The following ANKRD52 variants were observed in gnomAD, a reference collection of about 807,000 sequenced individuals.
The protein encoded by ANKRD52 is serine/threonine-protein phosphatase 6 regulatory ankyrin repeat subunit C.
A neutral mutation model predicts 116.0 loss-of-function variants in ANKRD52; 7 were observed. The ratio of observed to expected loss-of-function variants is 0.06; its 90% CI spans 0.03 to 0.11. The LOEUF (loss-of-function observed/expected upper bound fraction) is 0.11, where lower values mean the gene tolerates loss of function less well. Ranked by LOEUF, ANKRD52 falls within the 10% of genes least tolerant of loss-of-function variation. ANKRD52 has a pLI of 1.00. For synonymous variants in ANKRD52, 528 were observed against 578.1 expected (o/e 0.91, Z 1.24); for missense variants, 839 against 1,408.6 (o/e 0.60, Z 6.47).
chr12:56,248,581 A>G lies in ANKRD52; in HGVS notation c.1705-15T>C. On this transcript the variant is annotated splice_polypyrimidine_tract_variant and intron_variant, in intron 16 of 27. Coordinates refer to ENST00000267116, the MANE Select transcript of ANKRD52 (RefSeq NM_173595.4). This position sits in a 1 kb window ranked among gnomAD's most constrained non-coding sequence, Gnocchi z 5.1. ...ATTTCTAAGAGCTGCAAAGGACAGG[A>G]AAGTAGGTGCTGAGACTCTGGAACT... 6.3e-7 allele frequency: 1 copy of G among 1,579,978 alleles called. No individual in the cohort carries two copies. The highest frequency in any genetic ancestry group is 8.6e-7 in the Non-Finnish European group (1 of 1,162,822).
rs1183328873 is a variant in ANKRD52, at chr12:56,243,082, T to A, written c.*60A>T. 6.7e-7 allele frequency: 1 copy of A among 1,491,632 alleles called. No individual in the cohort carries two copies. The highest frequency in any genetic ancestry group is 1.4e-5 in the African/African-American group (1 of 70,878). 92.4% of individuals were successfully genotyped at this position (1,491,632 alleles called of 1,614,324 possible). ...TTAAAGTGCCCTAAATGTTTAGACT[T>A]TTTCTAAATAAATAGAATTAGATAT... On this transcript the variant is annotated 3_prime_UTR_variant, in exon 28 of 28. Coordinates refer to ENST00000267116, the MANE Select transcript of ANKRD52 (RefSeq NM_173595.4). This position sits in a 1 kb window ranked among gnomAD's most constrained non-coding sequence, Gnocchi z 4.6.
Position 56,254,704 on chromosome 12 carries a change from T to G in ANKRD52, c.567A>C (p.Leu189=), listed in dbSNP as rs1330422770. The G allele has an allele frequency of 6.2e-7, 1 of 1,611,674 alleles. No individual in the cohort carries two copies. The highest frequency in any genetic ancestry group is 8.5e-7 in the Non-Finnish European group (1 of 1,178,216). Residue 189 remains leucine (L), a synonymous_variant, in exon 7 of 28, where the codon CTA becomes CTC. Transcript: ENST00000267116. The surrounding 1 kb of genome is among the most constrained non-coding windows in gnomAD (Gnocchi z 4.6). ...WAAFLGHLEV[L]KLLVARGADL... ...CTGCTCCCCGTGCCACCAGCAGTTT[T>G]AGGACCTCCAAGTGCCCTGAGAAAA...
Position 56,254,467 on chromosome 12 carries a change from T to C in ANKRD52, c.693+111A>G. ...TATTCAGACCCTCTCTACCACGTCCTTCCAACTTCCCAAAACTATACCAAC... is the reference window on the plus strand; with the variant it reads ...TATTCAGACCCTCTCTACCACGTCCCTCCAACTTCCCAAAACTATACCAAC... On this transcript the variant is annotated intron_variant, in intron 7 of 27. Coordinates refer to ENST00000267116, the MANE Select transcript of ANKRD52 (RefSeq NM_173595.4). This position sits in a 1 kb window ranked among gnomAD's most constrained non-coding sequence, Gnocchi z 4.6. 8 of 1,515,900 alleles carry C rather than the reference T, an allele frequency of 5.3e-6. No individual in the cohort carries two copies. The highest frequency in any genetic ancestry group is 7.1e-6 in the Non-Finnish European group (8 of 1,129,216). The allele number at this position is 1,515,900 out of a possible 1,614,324, so 93.9% of individuals were successfully genotyped here. A position where few individuals can be genotyped will look rare whatever the true frequency, so the allele number is the denominator to read the frequency against.
chr12:56,258,302 CCGG>C lies in ANKRD52; in HGVS notation c.-36_-34del, dbSNP rs751124828. 645 of 1,525,784 alleles carry C rather than the reference CCGG, an allele frequency of 4.2e-4. No homozygotes were observed. The highest frequency in any genetic ancestry group is 1.4e-3 in the Admixed American group (68 of 49,970). The allele number at this position is 1,525,784 out of a possible 1,614,324, so 94.5% of individuals were successfully genotyped here. ...CCCGGGCTCCGTCCGCATCGAGCTCCCGGCGGCGGCGGCGGCGGCTCCACCGGG... is the reference window on the plus strand; with the variant it reads ...CCCGGGCTCCGTCCGCATCGAGCTCCCGGCGGCGGCGGCGGCTCCACCGGG... On this transcript the variant is annotated 5_prime_UTR_variant, in exon 1 of 28. Transcript: ENST00000267116.
chr12:56,253,148 G>C lies in ANKRD52; in HGVS notation c.1101-62C>G. On this transcript the variant is annotated intron_variant, in intron 10 of 27. Transcript: ENST00000267116. The surrounding 1 kb of genome is among the most constrained non-coding windows in gnomAD (Gnocchi z 5.5). ...GGAGGGACCAAGTAAGACCTCTTCT[G>C]TGACCTACCACCACCCTAGAGTCAG... The C allele has an allele frequency of 2.0e-6, 3 of 1,469,054 alleles. No individual in the cohort carries two copies. The highest frequency in any genetic ancestry group is 2.8e-6 in the Non-Finnish European group (3 of 1,085,010). 91.0% of individuals were successfully genotyped at this position (1,469,054 alleles called of 1,614,324 possible).
At position 56,239,664 on chromosome 12, in the gene ANKRD52, A is replaced by G. The variant is rs1004487475; in HGVS notation, c.*3478T>C. 6.6e-6 allele frequency: 1 copy of G among 152,392 alleles called. No homozygotes were observed. The highest frequency in any genetic ancestry group is 1.5e-5 in the Non-Finnish European group (1 of 68,194). The allele number at this position is 152,392 out of a possible 1,614,324, so 9.4% of individuals were successfully genotyped here. A position where few individuals can be genotyped will look rare whatever the true frequency, so the allele number is the denominator to read the frequency against. On this transcript the variant is annotated 3_prime_UTR_variant, in exon 28 of 28. Transcript: ENST00000267116. ...ACTCAGCCCTGCCAGCCCGGCCCCA[A>G]TCCCACCTCTCAGGACTCCTTCCAA...
Position 56,244,546 on chromosome 12 carries a change from T to A in ANKRD52, c.2722+106A>T. ...ATGGCGAGACATCCAAAGACAACCC[T>A]CTTGCTTTCTGAACCCCAGCCCCAG... is the stretch of plus-strand genomic sequence containing the variant. On this transcript the variant is annotated intron_variant, in intron 24 of 27. Coordinates refer to ENST00000267116, the MANE Select transcript of ANKRD52 (RefSeq NM_173595.4). The surrounding 1 kb of genome is among the most constrained non-coding windows in gnomAD (Gnocchi z 4.9). The A allele has an allele frequency of 6.3e-7, 1 of 1,598,108 alleles. No individual in the cohort carries two copies. The highest frequency in any genetic ancestry group is 8.5e-7 in the Non-Finnish European group (1 of 1,171,048).
At chr12:56,251,669 A>T (rs1871697361) in intron 15 of ANKRD52, among the ~76,000 whole-genome samples, 1 of 148,434 alleles carries the variant, frequency 6.7e-6, no homozygotes, top group Non-Finnish European at 1.5e-5. Context: ...CAAGAAGACC[A>T]GCCGGGCGCG....
At position 56,252,689 on chromosome 12, in the gene ANKRD52, A is replaced by G; in HGVS notation, c.1301+91T>C. On this transcript the variant is annotated intron_variant, in intron 12 of 27. Coordinates refer to ENST00000267116, the MANE Select transcript of ANKRD52 (RefSeq NM_173595.4). The surrounding 1 kb of genome is among the most constrained non-coding windows in gnomAD (Gnocchi z 4.7). ...CTGCTGTGACTGCTTTCATTGTGAG[A>G]GGGGGAATAGATCTGGGCAGGCAAG... 1 of 1,535,848 alleles carries G rather than the reference A, an allele frequency of 6.5e-7. No homozygotes were observed. Among genetic ancestry groups the G allele is most frequent in the Non-Finnish European group, 9.0e-7 (1 of 1,112,470 alleles).
In ANKRD52 at chr12:56,244,609, G is replaced by A. The variant is rs1432635604; in HGVS notation, c.2722+43C>T. On this transcript the variant is annotated intron_variant, in intron 24 of 27. Transcript: ENST00000267116. The surrounding 1 kb of genome is among the most constrained non-coding windows in gnomAD (Gnocchi z 4.9). ...GGCAGGGCTGACCCATCCTGCAAAT[G>A]CCCCAGGGGAGCTCCTCCCTTCCAC... 6.2e-7 allele frequency: 1 copy of A among 1,609,586 alleles called. No individual in the cohort carries two copies. Among genetic ancestry groups the A allele is most frequent in the African/African-American group, 1.3e-5 (1 of 74,784 alleles).
In ANKRD52 at chr12:56,257,353, C is replaced by A; in HGVS notation, c.120G>T (p.Glu40Asp). The A allele has an allele frequency of 6.3e-7, 1 of 1,589,324 alleles. No homozygotes were observed. Among genetic ancestry groups the A allele is most frequent in the East Asian group, 2.3e-5 (1 of 43,696 alleles). Residue 40 changes from glutamate (E) to aspartate (D), a missense_variant, in exon 3 of 28, where the codon GAG becomes GAT. By Grantham distance (45) the Glu-to-Asp change is conservative. This residue lies in a region of ANKRD52 where 287 missense variants were observed against 598.1 expected (regional missense o/e 0.48). Transcript: ENST00000267116. Reference protein sequence around the residue: ...QKENINVLDQERRTPLHAAAY... With the variant: ...QKENINVLDQDRRTPLHAAAY... ...CAGCAGCATGCAATGGAGTTCGCCT[C>A]TCTTGGTCCTGGGAAGGCAAAAAAG...
In ANKRD52 at chr12:56,244,576, C is replaced by T; in HGVS notation, c.2722+76G>A. The T allele has an allele frequency of 6.2e-7, 1 of 1,603,844 alleles. No homozygotes were observed. Among genetic ancestry groups the T allele is most frequent in the Non-Finnish European group, 8.5e-7 (1 of 1,174,298 alleles). On this transcript the variant is annotated intron_variant, in intron 24 of 27. Transcript: ENST00000267116. This position sits in a 1 kb window ranked among gnomAD's most constrained non-coding sequence, Gnocchi z 4.9. ...CTTTCTGAACCCCAGCCCCAGCCAG[C>T]CTCCACAGGCAGGGCTGACCCATCC... is the stretch of plus-strand genomic sequence containing the variant.
rs984047864 is a variant in ANKRD52 at position 56,243,297 on chromosome 12, C to T, written c.3076G>A (p.Ala1026Thr). 1.1e-5 allele frequency: 17 copies of T among 1,613,854 alleles called. No homozygotes were observed. Among genetic ancestry groups the T allele is most frequent in the African/African-American group, 2.7e-5 (2 of 74,914 alleles). ...AGGCTGAAGCTGAAAGGACTGACGG[C>T]GTCCTTGGGTGGGAAAGGCTTCATG... ...STMKPFPPKD[A>T]VSPFSFSLLK... is the part of the protein sequence containing the mutation. The change falls in exon 28 of 28, where the codon GCC becomes ACC. Residue 1026 changes from alanine (A) to threonine (T), a missense_variant. Coordinates refer to ENST00000267116, the MANE Select transcript of ANKRD52 (RefSeq NM_173595.4). This position sits in a 1 kb window ranked among gnomAD's most constrained non-coding sequence, Gnocchi z 4.6.
chr12:56,241,979 T>G lies in ANKRD52; in HGVS notation c.*1163A>C, dbSNP rs1175308521. 1 of 398,474 alleles carries G rather than the reference T, an allele frequency of 2.5e-6. No homozygotes were observed. The highest frequency in any genetic ancestry group is 2.1e-5 in the African/African-American group (1 of 48,614). The allele number at this position is 398,474 out of a possible 1,614,324, so 24.7% of individuals were successfully genotyped here. Reference sequence around the variant, plus strand: ...CTAGGTCAGAGCTTCTTCCTCACACTGGAGGGGAAGCCTGGGTCCCGAGTA... The same window carrying G: ...CTAGGTCAGAGCTTCTTCCTCACACGGGAGGGGAAGCCTGGGTCCCGAGTA... On this transcript the variant is annotated 3_prime_UTR_variant, in exon 28 of 28. Transcript: ENST00000267116.
At chr12:56,257,419 C>T in intron 2 of ANKRD52, 58 bp from the exon 3 acceptor site, 1 of 1,431,566 alleles carries the variant, frequency 7.0e-7, no homozygotes, top group Non-Finnish European at 9.6e-7. Context: ...CTATCAAGGA[C>T]CCCAGCCCAA....
Position 56,242,998 on chromosome 12 carries a change from A to G in ANKRD52, c.*144T>C. ...GCCAAGATGGTGTGGCAAAGGGGTGAGCAGCTGCTCCCCAGGGCTTCCTTC... is the reference window on the plus strand; with the variant it reads ...GCCAAGATGGTGTGGCAAAGGGGTGGGCAGCTGCTCCCCAGGGCTTCCTTC... On this transcript the variant is annotated 3_prime_UTR_variant, in exon 28 of 28. Coordinates refer to ENST00000267116, the MANE Select transcript of ANKRD52 (RefSeq NM_173595.4). This position sits in a 1 kb window ranked among gnomAD's most constrained non-coding sequence, Gnocchi z 4.3. 8.3e-7 allele frequency: 1 copy of G among 1,200,712 alleles called. No homozygotes were observed. The highest frequency in any genetic ancestry group is 1.6e-5 in the South Asian group (1 of 61,300). The allele number at this position is 1,200,712 out of a possible 1,614,324, so 74.4% of individuals were successfully genotyped here.
At position 56,254,504 on chromosome 12, in the gene ANKRD52, T is replaced by A. The variant is rs1871851349; in HGVS notation, c.693+74A>T. ...AAAACTATACCAACATCCCAATACCTCATATCTCCGTAACAGACTATAATC... is the reference window on the plus strand; with the variant it reads ...AAAACTATACCAACATCCCAATACCACATATCTCCGTAACAGACTATAATC... On this transcript the variant is annotated intron_variant, in intron 7 of 27. Coordinates refer to ENST00000267116, the MANE Select transcript of ANKRD52 (RefSeq NM_173595.4). This position sits in a 1 kb window ranked among gnomAD's most constrained non-coding sequence, Gnocchi z 4.6. The A allele has an allele frequency of 1.3e-6, 2 of 1,571,250 alleles. No homozygotes were observed. Among genetic ancestry groups the A allele is most frequent in the African/African-American group, 2.7e-5 (2 of 73,962 alleles).
Position 56,254,526 on chromosome 12 carries a change from A to C in ANKRD52, c.693+52T>G. ...ACCTCATATCTCCGTAACAGACTAT[A>C]ATCTCCTACTTGCTGCCCATAGTTC... On this transcript the variant is annotated intron_variant, in intron 7 of 27. Coordinates refer to ENST00000267116, the MANE Select transcript of ANKRD52 (RefSeq NM_173595.4). The surrounding 1 kb of genome is among the most constrained non-coding windows in gnomAD (Gnocchi z 4.6). The C allele has an allele frequency of 6.3e-7, 1 of 1,597,922 alleles. No individual in the cohort carries two copies. The highest frequency in any genetic ancestry group is 1.7e-5 in the Admixed American group (1 of 57,888).
rs1347542465 is a variant in ANKRD52 at position 56,243,141 on chromosome 12, G to T, written c.*1C>A. The stretch of plus-strand genomic sequence containing the variant: ...CGGCGGGGGAGGGACACTGGAGGGG[G>T]CTACTCAGAGTAGCAGCCATCTAAC... On this transcript the variant is annotated 3_prime_UTR_variant, in exon 28 of 28. Coordinates refer to ENST00000267116, the MANE Select transcript of ANKRD52 (RefSeq NM_173595.4). This position sits in a 1 kb window ranked among gnomAD's most constrained non-coding sequence, Gnocchi z 4.6. 1 of 1,590,770 alleles carries T rather than the reference G, an allele frequency of 6.3e-7. No homozygotes were observed. Among genetic ancestry groups the T allele is most frequent in the African/African-American group, 1.3e-5 (1 of 74,510 alleles).
Sources: gnomAD v4.1 joint callset for allele counts (sites outside exome capture counted in the v4.1 genomes callset) on GRCh38, gnomAD v4.1.1 for gene constraint, gnomAD v4.1.1 regional missense constraint, Gnocchi (gnomAD v3.1) non-coding constraint, MANE v1.5 for transcripts, NCBI Gene and HGNC (gene_info 2026-07-23, HGNC 2026-07-21) for gene names.